The following GABBR2 variants were observed in gnomAD, a reference collection of about 807,000 sequenced individuals.
GABBR2 encodes gamma-aminobutyric acid type B receptor subunit 2, also known as G-protein coupled receptor 51.
A neutral mutation model predicts 105.6 loss-of-function variants in GABBR2; 23 were observed. The ratio of observed to expected loss-of-function variants is 0.22; its 90% CI spans 0.16 to 0.31. GABBR2 has a LOEUF of 0.31. Ranked by LOEUF, GABBR2 falls within the 10% of genes least tolerant of loss-of-function variation. The pLI, the probability that GABBR2 is intolerant of heterozygous loss-of-function variation, is 1.00. For synonymous variants in GABBR2, 478 were observed against 499.7 expected, an observed-to-expected ratio of 0.96 and a Z score of 0.58; for missense variants, 734 against 1,245.5, an observed-to-expected ratio of 0.59 and a Z score of 6.18.
At chr9:98,616,739 G>C (rs566203170) in intron 1 of GABBR2, among the ~76,000 whole-genome samples, 2 of 130,382 alleles carry the variant, frequency 1.5e-5, no homozygotes, top group South Asian at 2.5e-4. Flanking sequence ...GAGTGACAGT[G>C]AGACTCCGTC....
chr9:98,663,294 G>A (rs1420032920), intron 1 of GABBR2, among the ~76,000 whole-genome samples: 1 of 152,142 alleles, frequency 6.6e-6, no homozygotes, highest in Non-Finnish European at 1.5e-5. Context: ...CTGGAGGAAA[G>A]GCACAGGGTC....
chr9:98,447,125 A>G (rs987207666), intron 7 of GABBR2, among the ~76,000 whole-genome samples: 13 of 108,886 alleles, frequency 1.2e-4, no homozygotes, highest in Admixed American at 6.7e-4. Flanking sequence ...GCAGTGGCGC[A>G]ATCTCGGCTC....
intron 1 of GABBR2, among the ~76,000 whole-genome samples, chr9:98,578,717 A>G (rs1319912895): frequency 2.0e-5 from 3 of 152,238 alleles, no homozygotes; most frequent in Non-Finnish European, 4.4e-5. Context: ...ATGAATGCCC[A>G]TCAACAGGTG....
At chr9:98,467,695 G>T (rs369553677) in intron 6 of GABBR2, among the ~76,000 whole-genome samples, 3 of 152,298 alleles carry the variant, frequency 2.0e-5, no homozygotes, top group Admixed American at 6.5e-5. Context: ...AATCATGGGT[G>T]GTCACAGAAG....
intron 7 of GABBR2, among the ~76,000 whole-genome samples, chr9:98,415,363 A>T (rs1254951779): frequency 6.6e-6 from 1 of 152,186 alleles, no homozygotes; most frequent in Non-Finnish European, 1.5e-5. Context: ...TCCCTCTTGA[A>T]ATAGATTAAT....
At chr9:98,501,459 G>A (rs1048141343) in intron 3 of GABBR2, among the ~76,000 whole-genome samples, 12 of 152,152 alleles carry the variant, frequency 7.9e-5, no homozygotes, top group African/African-American at 1.9e-4. Flanking sequence ...GCCACTGCAC[G>A]TGGCCAGGAA....
At chr9:98,391,944 T>TG (rs1450932536) in intron 9 of GABBR2, among the ~76,000 whole-genome samples, 1 of 152,104 alleles carries the variant, frequency 6.6e-6, no homozygotes, top group Admixed American at 6.5e-5. Flanking sequence ...GAAGCCTCAC[T>TG]GGGGGCTAGT....
intron 1 of GABBR2, among the ~76,000 whole-genome samples, chr9:98,676,619 G>T (rs1463711368): frequency 1.3e-5 from 2 of 152,074 alleles, no homozygotes; most frequent in Admixed American, 1.3e-4. Flanking sequence ...TCCCCTTCTG[G>T]TGAGCTAAAA....
At chr9:98,653,298 C>G (rs920805857) in intron 1 of GABBR2, among the ~76,000 whole-genome samples, 2 of 152,210 alleles carry the variant, frequency 1.3e-5, no homozygotes, top group Non-Finnish European at 2.9e-5. Flanking sequence ...CGCACCTAGC[C>G]CTTAGCTATT....
chr9:98,686,991 G>A (rs897702814), intron 1 of GABBR2, among the ~76,000 whole-genome samples: 7 of 151,942 alleles, frequency 4.6e-5, no homozygotes, highest in East Asian at 1.9e-4. Flanking sequence ...ATCCTCCCTC[G>A]ACATACTCTG....
intron 1 of GABBR2, among the ~76,000 whole-genome samples, chr9:98,639,696 C>T (rs1829932767): frequency 6.6e-6 from 1 of 152,152 alleles, no homozygotes; most frequent in East Asian, 1.9e-4. Flanking sequence ...CCTACTATCC[C>T]CTTCCCTGAC....
intron 7 of GABBR2, among the ~76,000 whole-genome samples, chr9:98,440,521 T>C (rs7466271): frequency 0.9 from 136,379 of 152,112 alleles, 61,352 homozygotes; most frequent in African/African-American, 0.97. Context: ...TCCCCCCTTC[T>C]ACAATTTACA....
chr9:98,600,605 G>C (rs1445707155), intron 1 of GABBR2, among the ~76,000 whole-genome samples: 1 of 152,024 alleles, frequency 6.6e-6, no homozygotes, highest in Non-Finnish European at 1.5e-5. Context: ...TACAAAGAAG[G>C]GCTCAGTAAA....
chr9:98,477,659 C>T (rs867329160), intron 5 of GABBR2, among the ~76,000 whole-genome samples: 71 of 152,148 alleles, frequency 4.7e-4, no homozygotes, highest in African/African-American at 1.6e-3. Flanking sequence ...TTGGTTCTTA[C>T]TAGCTGTATA....
intron 15 of GABBR2, 21 bp from the exon 16 acceptor site, chr9:98,303,444 G>A (rs1256890491): frequency 1.2e-6 from 2 of 1,610,646 alleles, no homozygotes; most frequent in Admixed American, 3.3e-5. Context: ...AAAGGTTGGG[G>A]CGGGGTTGAA....
intron 1 of GABBR2, 142 bp downstream of exon 1, chr9:98,708,266 GGGGTGAACA>G: frequency 2.7e-6 from 2 of 733,334 alleles, no homozygotes; most frequent in African/African-American, 3.7e-5. Context: ...CAGGACCGCG[GGGGTGAACA>G]CTGGGCACCA....
chr9:98,519,901 C>A (rs1048651591), intron 3 of GABBR2, among the ~76,000 whole-genome samples: 2 of 152,124 alleles, frequency 1.3e-5, no homozygotes, highest in Non-Finnish European at 2.9e-5. Flanking sequence ...CCACAGTTTG[C>A]AAACCCCTGT....
chr9:98,635,150 T>A (rs1471075509), intron 1 of GABBR2, among the ~76,000 whole-genome samples: 8 of 152,222 alleles, frequency 5.3e-5, no homozygotes, highest in Non-Finnish European at 5.9e-5. Flanking sequence ...ATCAGCTGTA[T>A]AAAGCTCTAT....
chr9:98,516,498 C>T (rs1588207692), intron 3 of GABBR2, among the ~76,000 whole-genome samples: 1 of 152,324 alleles, frequency 6.6e-6, no homozygotes, highest in East Asian at 1.9e-4. Flanking sequence ...AGCTGGGACT[C>T]AAACCCAGTT....
Sources: allele counts gnomAD v4.1 joint callset (sites outside exome capture counted in the v4.1 genomes callset), GRCh38; gene constraint gnomAD v4.1.1; transcripts MANE v1.5; gene names NCBI Gene and HGNC (gene_info 2026-07-23, HGNC 2026-07-21).